VPS53: variants seen among roughly 807,000 people sequenced by gnomAD.
VPS53 encodes vacuolar protein sorting-associated protein 53 homolog.
Under a neutral mutation model 107.0 loss-of-function variants are expected in VPS53, and 70 were observed. The observed-to-expected ratio is 0.65, with a 90% CI of 0.54 to 0.80. The LOEUF (loss-of-function observed/expected upper bound fraction) is 0.80. VPS53 is among the 30% of genes least tolerant of loss of function. The pLI is 0.00. For synonymous variants in VPS53, 409 were observed against 393.3 expected (o/e 1.04, Z -0.47); for missense variants, 917 against 1,049.4 (o/e 0.87, Z 1.74).
chr17:643,257 A>C (rs554769138), intron 7 of VPS53, among the ~76,000 whole-genome samples: 5 of 22,808 alleles, frequency 2.2e-4, no homozygotes, highest in Admixed American at 6.9e-4. Context: ...TCATACTTGG[A>C]AAGTGAGGAC....
At chr17:686,137 A>G (rs968039089) in intron 4 of VPS53, among the ~76,000 whole-genome samples, 3 of 152,122 alleles carry the variant, frequency 2.0e-5, no homozygotes, top group African/African-American at 7.2e-5. Context: ...TGGGCAACAC[A>G]GTGAGATTCC....
At chr17:701,447 G>A (rs1024746949) in intron 2 of VPS53, among the ~76,000 whole-genome samples, 29 of 151,098 alleles carry the variant, frequency 1.9e-4, no homozygotes, top group Admixed American at 1.3e-3. Context: ...GCGCGATCTC[G>A]GCTCACTGCA....
intron 7 of VPS53, among the ~76,000 whole-genome samples, chr17:648,754 G>A (rs1970807494): frequency 6.9e-6 from 1 of 145,910 alleles, no homozygotes; most frequent in Non-Finnish European, 1.5e-5. Context: ...ATAGGACAGA[G>A]GAATGGAACA....
In VPS53 at chr17:562,565, G is replaced by A. The variant is rs543388220; in HGVS notation, c.1494C>T (p.Thr498=). Residue 498 remains threonine, a synonymous_variant, in exon 14 of 22, where the codon ACC becomes ACT. Coordinates refer to ENST00000437048, the MANE Select transcript of VPS53 (RefSeq NM_001128159.3). The part of the protein sequence containing the change: ...LSTGEPMIAL[T]TIFQKYLREY... Reference sequence around the variant, plus strand: ...CTCGGAGGTACTTCTGGAAAATGGTGGTCAGGGCGATCATGGGCTCCCCAG... The same window carrying A: ...CTCGGAGGTACTTCTGGAAAATGGTAGTCAGGGCGATCATGGGCTCCCCAG... 5 of 1,613,874 alleles carry A rather than the reference G, an allele frequency of 3.1e-6. No homozygotes were observed. The African/African-American group carries it at 6.7e-5, about 22-fold the overall frequency.
intron 18 of VPS53, among the ~76,000 whole-genome samples, chr17:535,124 C>T (rs563080210): frequency 5.9e-5 from 9 of 152,176 alleles, no homozygotes; most frequent in Non-Finnish European, 8.8e-5. Flanking sequence ...TCCTCACAAG[C>T]CCACCTCTGT....
intron 7 of VPS53, among the ~76,000 whole-genome samples, chr17:641,136 G>A (rs1455964808): frequency 3.9e-5 from 6 of 152,200 alleles, no homozygotes; most frequent in African/African-American, 1.2e-4. Context: ...GATTACAGGC[G>A]TGAGTCACTG....
At chr17:690,731 A>T (rs1490665846) in intron 4 of VPS53, among the ~76,000 whole-genome samples, 1 of 152,154 alleles carries the variant, frequency 6.6e-6, no homozygotes, top group African/African-American at 2.4e-5. Context: ...TGTCTAAAAT[A>T]AAAAATCTCA....
At chr17:643,624 CCGAGGACAACACTCATACTTGGAAAG>C (rs1567701876) in intron 7 of VPS53, among the ~76,000 whole-genome samples, 3 of 77,200 alleles carry the variant, frequency 3.9e-5, no homozygotes, top group Middle Eastern at 6.2e-3. Flanking sequence ...TACTTGGAAA[CCGAGGACAACACTCATACTTGGAAAG>C]CGAGGACAAC....
intron 7 of VPS53, among the ~76,000 whole-genome samples, chr17:633,951 G>A (rs1970076168): frequency 6.6e-6 from 1 of 152,194 alleles, no homozygotes; most frequent in African/African-American, 2.4e-5. Context: ...CTTCTTGGAA[G>A]CACACACACA....
In VPS53 at chr17:514,778, C is replaced by G. The variant is rs888015027; in HGVS notation, c.*4350G>C. The G allele has an allele frequency of 1.3e-5, 2 of 152,616 alleles. No homozygotes were observed. The highest frequency in any genetic ancestry group is 4.8e-5 in the African/African-American group (2 of 41,470). 9.5% of individuals were successfully genotyped at this position (152,616 alleles called of 1,614,324 possible). ...TCATGCTGGTCTCAGCTTGTCTGCT[C>G]TCAGTCCTGTCTGATCTGCACAGAG... On this transcript the variant is annotated 3_prime_UTR_variant, in exon 22 of 22. Coordinates refer to ENST00000437048, the MANE Select transcript of VPS53 (RefSeq NM_001128159.3).
intron 19 of VPS53, among the ~76,000 whole-genome samples, chr17:530,480 C>A (rs1051575960): frequency 6.6e-6 from 1 of 152,150 alleles, no homozygotes; most frequent in East Asian, 1.9e-4. Flanking sequence ...AACAGTTTAT[C>A]TGTAGATCCT....
At position 714,834 on chromosome 17, in the gene VPS53, T is replaced by C. The variant is rs1373764336; in HGVS notation, c.-125A>G. ...TGGTGAGCCCGGCTCCGTCAGCCGC[T>C]CTGTCAGCCGCTCCGGCACTTCCGG... On this transcript the variant is annotated 5_prime_UTR_variant, in exon 1 of 22. Transcript: ENST00000437048. The C allele has an allele frequency of 4.7e-6, 5 of 1,064,538 alleles. No homozygotes were observed. In the East Asian group the frequency reaches 1.2e-4, roughly 26 times the overall value. The allele number at this position is 1,064,538 out of a possible 1,614,324, so 65.9% of individuals were successfully genotyped here.
intron 19 of VPS53, among the ~76,000 whole-genome samples, chr17:531,540 T>A (rs1035656397): frequency 2.0e-5 from 3 of 152,180 alleles, no homozygotes; most frequent in Non-Finnish European, 2.9e-5. Context: ...TGTCTTACTC[T>A]GTTGCCCAGG....
chr17:608,814 C>T (rs893365528), intron 11 of VPS53, among the ~76,000 whole-genome samples: 1 of 151,778 alleles, frequency 6.6e-6, no homozygotes, highest in Non-Finnish European at 1.5e-5. Context: ...ACAGGGTCTT[C>T]GTGGCCCAGG....
chr17:598,342 C>T (rs1335978241), intron 12 of VPS53, among the ~76,000 whole-genome samples: 1 of 152,072 alleles, frequency 6.6e-6, no homozygotes, highest in African/African-American at 2.4e-5. Context: ...CTGCCTTGGC[C>T]TCCCAAAGTG....
At chr17:550,269 G>T (rs1911704986) in intron 17 of VPS53, among the ~76,000 whole-genome samples, 1 of 152,298 alleles carries the variant, frequency 6.6e-6, no homozygotes, top group South Asian at 2.1e-4. Flanking sequence ...TAAAGTTAGT[G>T]TTCCTCCCAC....
chr17:519,427 G>A lies in VPS53; in HGVS notation c.2329-129C>T. ...AGCATAGTTACTCCAGGCTGAGGAT[G>A]AACCGTTTCCTCAAGGGACTCACCA... is the stretch of plus-strand genomic sequence containing the variant. On this transcript the variant is annotated intron_variant, in intron 21 of 21. Coordinates refer to ENST00000437048, the MANE Select transcript of VPS53 (RefSeq NM_001128159.3). This position sits in a 1 kb window ranked among gnomAD's most constrained non-coding sequence, Gnocchi z 5.0. The A allele has an allele frequency of 1.0e-6, 1 of 992,192 alleles. No individual in the cohort carries two copies. Among genetic ancestry groups the A allele is most frequent in the Middle Eastern group, 2.3e-4 (1 of 4,388 alleles). 61.5% of individuals were successfully genotyped at this position (992,192 alleles called of 1,614,324 possible).
intron 1 of VPS53, among the ~76,000 whole-genome samples, chr17:712,951 G>A (rs1022225856): frequency 6.6e-6 from 1 of 152,190 alleles, no homozygotes; most frequent in Non-Finnish European, 1.5e-5. Context: ...TGGTGGAGCC[G>A]TGTGGCCGGA....
intron 11 of VPS53, among the ~76,000 whole-genome samples, chr17:622,572 C>A (rs1032905913): frequency 6.6e-6 from 1 of 152,192 alleles, no homozygotes; most frequent in African/African-American, 2.4e-5. Flanking sequence ...TCAAGGAGCT[C>A]AATGTCTACG....
Sources: gnomAD v4.1 joint callset for allele counts (sites outside exome capture counted in the v4.1 genomes callset) on GRCh38, gnomAD v4.1.1 for gene constraint, Gnocchi (gnomAD v3.1) non-coding constraint, MANE v1.5 for transcripts, NCBI Gene and HGNC (gene_info 2026-07-23, HGNC 2026-07-21) for gene names.